Variants in ADCY2 observed in about 807,000 individuals in gnomAD.
ADCY2 encodes the protein adenylate cyclase type 2.
In ADCY2, 31 loss-of-function variants were observed where a neutral mutation model predicts 125.2. The ratio of observed to expected loss-of-function variants is 0.25; its 90% CI spans 0.19 to 0.33. The LOEUF (loss-of-function observed/expected upper bound fraction) is 0.33. Among genes scored for constraint, ADCY2 ranks in the 10% least tolerant of loss-of-function variants. The pLI, the probability that ADCY2 is intolerant of heterozygous loss-of-function variation, is 1.00. For synonymous variants in ADCY2, 512 were observed against 548.4 expected (o/e 0.93, Z 0.93); for missense variants, 904 against 1,418.2 (o/e 0.64, Z 5.82).
intron 3 of ADCY2, among the ~76,000 whole-genome samples, chr5:7,603,743 T>A (rs1404670552): frequency 1.5e-5 from 2 of 133,954 alleles, no homozygotes; most frequent in East Asian, 4.3e-4. Flanking sequence ...GTATGGCATC[T>A]GCTTTCAAGC....
chr5:7,483,216 C>T (rs11743273), intron 2 of ADCY2, among the ~76,000 whole-genome samples: 13,012 of 151,908 alleles, frequency 0.086, 743 homozygotes, highest in East Asian at 0.25. Flanking sequence ...AATAGATATC[C>T]TAACTATCCT....
chr5:7,763,249 C>T (rs922098129), intron 16 of ADCY2, among the ~76,000 whole-genome samples: 4 of 151,698 alleles, frequency 2.6e-5, no homozygotes, highest in Non-Finnish European at 5.9e-5. Context: ...CGCCACCACG[C>T]CCGGCCAATT....
chr5:7,407,762 G>A (rs1263223204), intron 1 of ADCY2, among the ~76,000 whole-genome samples: 1 of 152,058 alleles, frequency 6.6e-6, no homozygotes, highest in East Asian at 1.9e-4. Flanking sequence ...AAGCCGGCCT[G>A]GGACCCCGTG....
At chr5:7,584,132 C>T (rs1736537779) in intron 3 of ADCY2, among the ~76,000 whole-genome samples, 1 of 151,938 alleles carries the variant, frequency 6.6e-6, no homozygotes, top group South Asian at 2.1e-4. Context: ...TTTCTTTACT[C>T]TGATGGATGC....
intron 20 of ADCY2, among the ~76,000 whole-genome samples, chr5:7,792,451 C>G (rs1744279143): frequency 6.6e-6 from 1 of 152,038 alleles, no homozygotes; most frequent in Admixed American, 6.5e-5. Context: ...AGGGTCCCTT[C>G]CTAGACATGG....
intron 4 of ADCY2, among the ~76,000 whole-genome samples, chr5:7,645,241 C>T (rs1220118124): frequency 6.6e-6 from 1 of 152,012 alleles, no homozygotes; most frequent in East Asian, 1.9e-4. Flanking sequence ...TTGCAAATGG[C>T]CTAAAGAAAG....
At chr5:7,526,537 A>T (rs1418449793) in intron 3 of ADCY2, among the ~76,000 whole-genome samples, 1 of 152,214 alleles carries the variant, frequency 6.6e-6, no homozygotes, top group African/African-American at 2.4e-5. Flanking sequence ...CCCTGATTTA[A>T]TCATTACACC....
At chr5:7,463,927 C>G (rs1012933690) in intron 2 of ADCY2, among the ~76,000 whole-genome samples, 2 of 152,166 alleles carry the variant, frequency 1.3e-5, no homozygotes, top group African/African-American at 4.8e-5. Flanking sequence ...GTCCTATGTT[C>G]TCCATTTTGG....
At chr5:7,700,898 G>C (rs1741057084) in intron 7 of ADCY2, among the ~76,000 whole-genome samples, 1 of 152,010 alleles carries the variant, frequency 6.6e-6, no homozygotes, top group Non-Finnish European at 1.5e-5. Flanking sequence ...AGAGTGGTTA[G>C]TGTGAACTCA....
chr5:7,721,996 G>T (rs1431085650), intron 12 of ADCY2, among the ~76,000 whole-genome samples: 1 of 152,206 alleles, frequency 6.6e-6, no homozygotes, highest in Non-Finnish European at 1.5e-5. Flanking sequence ...ATTCACAGAG[G>T]TGATTAAGTG....
chr5:7,666,433 T>C (rs1403404273), intron 4 of ADCY2, among the ~76,000 whole-genome samples: 1 of 151,830 alleles, frequency 6.6e-6, no homozygotes, highest in Non-Finnish European at 1.5e-5. Context: ...CACGCCCGGC[T>C]AATTTTTTAT....
intron 3 of ADCY2, among the ~76,000 whole-genome samples, chr5:7,619,427 C>T (rs748035992): frequency 1.1e-4 from 16 of 152,030 alleles, no homozygotes; most frequent in African/African-American, 3.1e-4. Context: ...TGGATGCAAG[C>T]GAAGTGGAAT....
chr5:7,536,145 A>G (rs556701724), intron 3 of ADCY2, among the ~76,000 whole-genome samples: 23 of 152,310 alleles, frequency 1.5e-4, no homozygotes, highest in African/African-American at 5.5e-4. Flanking sequence ...GTGTTTCCTG[A>G]TTTAGTACAA....
chr5:7,471,320 T>G (rs1174782094), intron 2 of ADCY2, among the ~76,000 whole-genome samples: 1 of 151,968 alleles, frequency 6.6e-6, no homozygotes, highest in Non-Finnish European at 1.5e-5. Context: ...TTATGTTCGT[T>G]TGGCATTTAA....
intron 6 of ADCY2, among the ~76,000 whole-genome samples, chr5:7,697,088 C>T (rs971186527): frequency 2.0e-5 from 3 of 152,036 alleles, no homozygotes; most frequent in Non-Finnish European, 4.4e-5. Flanking sequence ...GTGCCTGTCT[C>T]GGTGAACAAA....
chr5:7,404,373 T>C (rs555629197), intron 1 of ADCY2, among the ~76,000 whole-genome samples: 10 of 152,328 alleles, frequency 6.6e-5, no homozygotes, highest in African/African-American at 1.9e-4. Flanking sequence ...CAGAACATAT[T>C]AGATTATGTC....
At chr5:7,562,197 A>G (rs1264583869) in intron 3 of ADCY2, among the ~76,000 whole-genome samples, 1 of 151,942 alleles carries the variant, frequency 6.6e-6, no homozygotes. Context: ...TAGTAATCCT[A>G]TTGTTTTTGT....
At chr5:7,493,169 A>G (rs1743225569) in intron 2 of ADCY2, among the ~76,000 whole-genome samples, 2 of 152,156 alleles carry the variant, frequency 1.3e-5, no homozygotes, top group East Asian at 3.9e-4. Flanking sequence ...AGTAAGAGGT[A>G]TGGGAGGAAA....
intron 18 of ADCY2, 88 bp downstream of exon 18, chr5:7,773,189 G>T: frequency 7.6e-7 from 1 of 1,318,486 alleles, no homozygotes; most frequent in South Asian, 1.5e-5. Flanking sequence ...GCAAGTTAGC[G>T]ATGTCATTGT....
Sources: gnomAD v4.1 joint callset for allele counts (sites outside exome capture counted in the v4.1 genomes callset) on GRCh38, gnomAD v4.1.1 for gene constraint, MANE v1.5 for transcripts, NCBI Gene and HGNC (gene_info 2026-07-23, HGNC 2026-07-21) for gene names.